Variants in SLC35G1 observed in about 807,000 individuals in gnomAD.
The protein encoded by SLC35G1 is solute carrier family 35 member G1.
A neutral mutation model predicts 17.1 loss-of-function variants in SLC35G1; 10 were observed. The observed-to-expected ratio is 0.59, with a 90% CI of 0.36 to 0.99. The LOEUF is 0.99. SLC35G1 is among the 50% of genes least tolerant of loss of function. The pLI, the probability that SLC35G1 is intolerant of heterozygous loss-of-function variation, is 0.01. For synonymous variants in SLC35G1, 185 were observed against 181.1 expected (o/e 1.02, Z -0.18); for missense variants, 433 against 468.4 (o/e 0.92, Z 0.70).
At chr10:93,906,899 T>C (rs1432267824), downstream of SLC35G1, among the ~76,000 whole-genome samples, 1 of 152,120 alleles carries the variant, frequency 6.6e-6, no homozygotes, top group Non-Finnish European at 1.5e-5. Flanking sequence ...AAGTATACAG[T>C]GGAGCTTTCC....
intron 1 of SLC35G1, among the ~76,000 whole-genome samples, 174 bp downstream of exon 1, chr10:93,894,385 C>T (rs899036547): frequency 6.6e-5 from 10 of 152,110 alleles, no homozygotes; most frequent in Non-Finnish European, 1.3e-4. Context: ...AGCGGAATTC[C>T]CGGCGCCCCA....
chr10:93,896,688 A>T (rs546457761), intron 1 of SLC35G1, among the ~76,000 whole-genome samples: 1 of 152,178 alleles, frequency 6.6e-6, no homozygotes, highest in Non-Finnish European at 1.5e-5. Flanking sequence ...TTAAGTGTTT[A>T]TAGGCAAGAA....
chr10:93,904,393 A>G (rs1163557280), downstream of SLC35G1, among the ~76,000 whole-genome samples: 1 of 152,144 alleles, frequency 6.6e-6, no homozygotes, highest in Non-Finnish European at 1.5e-5. Context: ...ACCATATCAC[A>G]TCAAATTTTC....
chr10:93,905,583 G>T (rs761812011), downstream of SLC35G1, among the ~76,000 whole-genome samples: 1 of 152,144 alleles, frequency 6.6e-6, no homozygotes, highest in Non-Finnish European at 1.5e-5. Flanking sequence ...TGGAAATTCA[G>T]GGGTGGGCTT....
chr10:93,894,282 C>A, intron 1 of SLC35G1, 71 bp downstream of exon 1: 1 of 1,276,388 alleles, frequency 7.8e-7, no homozygotes, highest in Non-Finnish European at 1.0e-6. Context: ...GGGTTGGGGT[C>A]CCCGCAACCC....
intron 1 of SLC35G1, among the ~76,000 whole-genome samples, chr10:93,895,911 A>G (rs2060325195): frequency 6.6e-6 from 1 of 152,096 alleles, no homozygotes; most frequent in Non-Finnish European, 1.5e-5. Flanking sequence ...GATCGAGTGT[A>G]GCAGTGGTTC....
In SLC35G1 at chr10:93,901,597, T is replaced by A; in HGVS notation, c.*107T>A. 1 of 1,288,556 alleles carries A rather than the reference T, an allele frequency of 7.8e-7. No individual in the cohort carries two copies. The highest frequency in any genetic ancestry group is 1.0e-6 in the Non-Finnish European group (1 of 973,582). The allele number at this position is 1,288,556 out of a possible 1,614,324, so 79.8% of individuals were successfully genotyped here. On this transcript the variant is annotated 3_prime_UTR_variant, in exon 3 of 3. Coordinates refer to ENST00000427197, the MANE Select transcript of SLC35G1 (RefSeq NM_001134658.3). ...CTGCATTTTCTTCATTGGTTGTATT[T>A]AATAAATTGCCTAAAGTACCATTTT... is the stretch of plus-strand genomic sequence containing the variant.
chr10:93,904,028 A>G (rs149004106), downstream of SLC35G1, among the ~76,000 whole-genome samples: 5 of 152,344 alleles, frequency 3.3e-5, no homozygotes, highest in African/African-American at 1.2e-4. Context: ...TAAAGGCATT[A>G]GTCTTCTGTG....
At chr10:93,907,403 A>G (rs1471386860), downstream of SLC35G1, 1 of 152,250 alleles carries the variant, frequency 6.6e-6, no homozygotes, top group Non-Finnish European at 1.5e-5. Context: ...AATGATATGT[A>G]CAAGTTTATT....
At chr10:93,909,286 T>C (rs2060445001) in exon 3 of SLC35G1, 1 of 152,066 alleles carries the variant, frequency 6.6e-6, no homozygotes, top group Admixed American at 6.5e-5. Flanking sequence ...AGTCTTATTC[T>C]CAAAACCCTG....
At chr10:93,896,184 G>A (rs1176372432) in intron 1 of SLC35G1, among the ~76,000 whole-genome samples, 1 of 152,018 alleles carries the variant, frequency 6.6e-6, no homozygotes, top group Admixed American at 6.5e-5. Flanking sequence ...GCATTGATGA[G>A]GGGGTTTCCC....
chr10:93,895,183 T>G (rs2060317924), intron 1 of SLC35G1, among the ~76,000 whole-genome samples: 1 of 152,184 alleles, frequency 6.6e-6, no homozygotes, highest in Non-Finnish European at 1.5e-5. Context: ...TGGATTTCTG[T>G]TCCTCTCCTC....
intron 1 of SLC35G1, among the ~76,000 whole-genome samples, chr10:93,898,038 C>T (rs1186426467): frequency 6.6e-6 from 1 of 152,198 alleles, no homozygotes; most frequent in African/African-American, 2.4e-5. Context: ...CCAGTGTCTT[C>T]CATGTGCCAG....
chr10:93,907,075 C>T (rs1446589300), downstream of SLC35G1: 1 of 152,136 alleles, frequency 6.6e-6, no homozygotes, highest in Non-Finnish European at 1.5e-5. Flanking sequence ...TTTATATTAA[C>T]ATATAATTAC....
At position 93,894,050 on chromosome 10, in the gene SLC35G1, GC is replaced by G; in HGVS notation, c.18del (p.Ser6ArgfsTer14). 1 of 1,479,276 alleles carries G rather than the reference GC, an allele frequency of 6.8e-7. No homozygotes were observed. Among genetic ancestry groups the G allele is most frequent in the Admixed American group, 2.3e-5 (1 of 42,778 alleles). The allele number at this position is 1,479,276 out of a possible 1,614,324, so 91.6% of individuals were successfully genotyped here. MRPQDSTGVAELQEPG... is the reference protein window; with the variant it reads MRPQDXTGVAELQEPG... ...TGCCGCGAGATGCGGCCTCAGGACA[GC>G]ACCGGGGTCGCGGAGCTCCAGGAGC... is the stretch of plus-strand genomic sequence containing the variant. On this transcript the variant is annotated frameshift_variant, in exon 1 of 3. Coordinates refer to ENST00000427197, the MANE Select transcript of SLC35G1 (RefSeq NM_001134658.3). LOFTEE classifies it high-confidence loss of function.
downstream of SLC35G1, chr10:93,908,320 A>C (rs2134075573): frequency 6.6e-6 from 1 of 152,322 alleles, no homozygotes; most frequent in South Asian, 2.1e-4. Context: ...AAGAGGTTGA[A>C]TGGGGTTACC....
rs561643329 is a variant in SLC35G1 at position 93,903,301 on chromosome 10, G to C, written c.*1811G>C. 3.3e-5 allele frequency: 5 copies of C among 152,212 alleles called. No individual in the cohort carries two copies. In the South Asian group the frequency reaches 1.0e-3, roughly 32 times the overall value. 9.4% of individuals were successfully genotyped at this position (152,212 alleles called of 1,614,324 possible). Reference sequence around the variant, plus strand: ...ATATCTTAGATAATTACAGAATCAGGAGCATTTGAGAACTCTAGAGGTCTC... The same window carrying C: ...ATATCTTAGATAATTACAGAATCAGCAGCATTTGAGAACTCTAGAGGTCTC... On this transcript the variant is annotated 3_prime_UTR_variant, in exon 3 of 3. Coordinates refer to ENST00000427197, the MANE Select transcript of SLC35G1 (RefSeq NM_001134658.3).
At chr10:93,909,715 T>C (rs557568983) in exon 3 of SLC35G1, 9 of 152,348 alleles carry the variant, frequency 5.9e-5, no homozygotes, top group African/African-American at 2.2e-4. Context: ...TATGTGATTA[T>C]AATCTGGCTT....
chr10:93,896,456 C>T (rs142887014), intron 1 of SLC35G1, among the ~76,000 whole-genome samples: 10 of 152,236 alleles, frequency 6.6e-5, no homozygotes, highest in African/African-American at 1.9e-4. Flanking sequence ...ATTTGAGTTA[C>T]CAAATTATTA....
Sources: allele counts gnomAD v4.1 joint callset (sites outside exome capture counted in the v4.1 genomes callset), GRCh38; gene constraint gnomAD v4.1.1; transcripts MANE v1.5; gene names NCBI Gene and HGNC (gene_info 2026-07-23, HGNC 2026-07-21).